Variants in ADRA1B observed in about 807,000 individuals in gnomAD.
ADRA1B encodes adrenoceptor alpha 1B.
Under a neutral mutation model 17.9 loss-of-function variants are expected in ADRA1B, and 17 were observed. That is an observed-to-expected ratio of 0.95 (90% CI 0.65 to 1.42). The LOEUF (loss-of-function observed/expected upper bound fraction) is 1.42. ADRA1B is among the 40% of genes most tolerant of loss of function. ADRA1B has a pLI of 0.00. For synonymous variants in ADRA1B, 366 were observed against 327.6 expected, an observed-to-expected ratio of 1.12 and a Z score of -1.27; for missense variants, 681 against 722.1, an observed-to-expected ratio of 0.94 and a Z score of 0.65.
chr5:159,941,795 T>G (rs1222172742), intron 1 of ADRA1B, among the ~76,000 whole-genome samples: 1 of 152,084 alleles, frequency 6.6e-6, no homozygotes, highest in Admixed American at 6.6e-5. Flanking sequence ...TCACATTTTG[T>G]CATATAATTC....
chr5:159,976,762 G>T (rs1755979401), downstream of ADRA1B, among the ~76,000 whole-genome samples: 1 of 152,118 alleles, frequency 6.6e-6, no homozygotes, highest in Non-Finnish European at 1.5e-5. Flanking sequence ...GAACATTCCA[G>T]GTGACAAAAC....
intron 1 of ADRA1B, among the ~76,000 whole-genome samples, chr5:159,935,716 T>G (rs1269471946): frequency 1.3e-5 from 2 of 152,036 alleles, no homozygotes; most frequent in Non-Finnish European, 2.9e-5. Context: ...CTAGCTAATT[T>G]TTGTATTTTT....
intron 1 of ADRA1B, among the ~76,000 whole-genome samples, chr5:159,875,366 C>T (rs1201353810): frequency 6.6e-6 from 1 of 152,054 alleles, no homozygotes; most frequent in Non-Finnish European, 1.5e-5. Flanking sequence ...CAGCTCCTAC[C>T]CAAGAGCAAA....
chr5:159,881,147 G>A (rs188211455), intron 1 of ADRA1B, among the ~76,000 whole-genome samples: 4,305 of 134,514 alleles, frequency 0.032, 78 homozygotes, highest in Middle Eastern at 0.098. Flanking sequence ...GCAGTCCGCA[G>A]TCCGGCCTGG....
intron 1 of ADRA1B, among the ~76,000 whole-genome samples, chr5:159,878,620 T>C (rs940401865): frequency 6.6e-6 from 1 of 152,142 alleles, no homozygotes; most frequent in African/African-American, 2.4e-5. Context: ...TCCCAAAACA[T>C]AGCAGGTGTT....
At chr5:159,911,592 C>A (rs1246265626), upstream of ADRA1B, among the ~76,000 whole-genome samples, 3 of 152,146 alleles carry the variant, frequency 2.0e-5, no homozygotes, top group Non-Finnish European at 1.5e-5. Context: ...GTATGACTGG[C>A]AGTTCTGGGT....
At chr5:159,961,874 C>T (rs1485874883) in intron 1 of ADRA1B, among the ~76,000 whole-genome samples, 1 of 152,200 alleles carries the variant, frequency 6.6e-6, no homozygotes, top group East Asian at 1.9e-4. Flanking sequence ...GTCCCCACGC[C>T]ACACTGCAGT....
At chr5:159,982,339 G>T in the ADRA1B span, among the ~76,000 whole-genome samples, 9 of 152,146 alleles carry the variant, frequency 5.9e-5, no homozygotes, top group African/African-American at 2.2e-4. Context: ...GACTTGCAAA[G>T]GAGTCAGAGG....
At chr5:159,981,362 C>CG in the ADRA1B span, among the ~76,000 whole-genome samples, 3 of 152,038 alleles carry the variant, frequency 2.0e-5, no homozygotes, top group East Asian at 1.9e-4. Flanking sequence ...AAATGCCTCC[C>CG]GGGGGGTAAA....
At chr5:159,950,908 G>T in intron 1 of ADRA1B, 1 of 566,860 alleles carries the variant, frequency 1.8e-6, no homozygotes, top group Non-Finnish European at 3.4e-6. Context: ...CCCCGCAGCC[G>T]TCGCACCACA....
chr5:159,983,733 G>T, the ADRA1B span, among the ~76,000 whole-genome samples: 3 of 152,144 alleles, frequency 2.0e-5, no homozygotes, highest in African/African-American at 7.2e-5. Context: ...GAATTTTGCA[G>T]GTGGGTCTCT....
downstream of ADRA1B, among the ~76,000 whole-genome samples, chr5:159,975,896 C>T (rs893491811): frequency 3.3e-5 from 5 of 152,174 alleles, no homozygotes; most frequent in Non-Finnish European, 7.4e-5. Flanking sequence ...ACTGCTGGGT[C>T]ATTGTCACCA....
the ADRA1B span, among the ~76,000 whole-genome samples, chr5:159,978,634 G>C: frequency 6.6e-6 from 1 of 152,176 alleles, no homozygotes. Flanking sequence ...CCTCCTCGTT[G>C]CACAGTCCTC....
At chr5:159,933,659 A>G (rs775104396) in intron 1 of ADRA1B, among the ~76,000 whole-genome samples, 29 of 152,350 alleles carry the variant, frequency 1.9e-4, no homozygotes, top group Non-Finnish European at 3.5e-4. Context: ...CAGAGGAGAC[A>G]ACAGCCTCAG....
the ADRA1B span, among the ~76,000 whole-genome samples, chr5:159,988,251 T>C: frequency 6.6e-6 from 1 of 152,184 alleles, no homozygotes; most frequent in Non-Finnish European, 1.5e-5. Flanking sequence ...GTGGGCAGAC[T>C]CTGAAAGCTT....
intron 1 of ADRA1B, chr5:159,870,787 T>C (rs1268484130): frequency 2.0e-5 from 3 of 152,236 alleles, no homozygotes; most frequent in Non-Finnish European, 4.4e-5. Flanking sequence ...AAGTCATAAA[T>C]AGAGGATAGT....
chr5:159,921,719 A>G (rs1432827122), intron 1 of ADRA1B, among the ~76,000 whole-genome samples: 2 of 152,222 alleles, frequency 1.3e-5, no homozygotes, highest in Admixed American at 1.3e-4. Context: ...GTCAATTTCA[A>G]AGAAACAGTT....
At chr5:159,890,740 C>A (rs80111866) in intron 1 of ADRA1B, among the ~76,000 whole-genome samples, 1 of 152,210 alleles carries the variant, frequency 6.6e-6, no homozygotes, top group Admixed American at 6.5e-5. Flanking sequence ...TGGGAATCCA[C>A]GTGGCATCAC....
chr5:159,925,145 G>A (rs1476103076), intron 1 of ADRA1B, among the ~76,000 whole-genome samples: 1 of 152,202 alleles, frequency 6.6e-6, no homozygotes, highest in Non-Finnish European at 1.5e-5. Flanking sequence ...TCCTAGAGGT[G>A]GGGCTCTGAG....
Sources: gnomAD v4.1 joint callset for allele counts (sites outside exome capture counted in the v4.1 genomes callset) on GRCh38, gnomAD v4.1.1 for gene constraint, MANE v1.5 for transcripts, NCBI Gene and HGNC (gene_info 2026-07-23, HGNC 2026-07-21) for gene names.